Variants in PDE3B observed in about 807,000 individuals in gnomAD.
PDE3B encodes phosphodiesterase 3B.
A neutral mutation model predicts 116.8 loss-of-function variants in PDE3B; 66 were observed. That is an observed-to-expected ratio of 0.56 (90% CI 0.46 to 0.69). The LOEUF is 0.69. Among genes scored for constraint, PDE3B ranks in the 30% least tolerant of loss-of-function variants. PDE3B has a pLI of 0.00. For missense variants in PDE3B, 1,384 were observed against 1,368.1 expected (o/e 1.01, Z -0.18); for synonymous variants, 595 against 533.6 (o/e 1.12, Z -1.59).
intron 1 of PDE3B, among the ~76,000 whole-genome samples, chr11:14,647,553 A>G (rs1853444640): frequency 6.6e-6 from 1 of 152,038 alleles, no homozygotes; most frequent in Non-Finnish European, 1.5e-5. Flanking sequence ...TAAATGTTGA[A>G]TGTTGACCTT....
chr11:14,892,348 C>T, the PDE3B span: 3 of 756,098 alleles, frequency 4.0e-6, no homozygotes, highest in Admixed American at 2.6e-5. Context: ...GCGCTCAGGC[C>T]CCTTCGGGAC....
At chr11:14,762,791 G>A (rs1857396660) in intron 1 of PDE3B, among the ~76,000 whole-genome samples, 1 of 152,208 alleles carries the variant, frequency 6.6e-6, no homozygotes, top group African/African-American at 2.4e-5. Flanking sequence ...TGAAAGTAGA[G>A]ATAACAGGAT....
At chr11:14,701,231 A>G (rs982850519) in intron 1 of PDE3B, among the ~76,000 whole-genome samples, 4 of 151,662 alleles carry the variant, frequency 2.6e-5, no homozygotes, top group African/African-American at 9.7e-5. Flanking sequence ...AAGTTTCACT[A>G]TTTTTCTTGT....
rs1449364785 is a variant in PDE3B, at chr11:14,832,845, C to T, written c.2206+12C>T. 3.6e-6 allele frequency: 4 copies of T among 1,113,106 alleles called. No individual in the cohort carries two copies. The highest frequency in any genetic ancestry group is 4.0e-6 in the Non-Finnish European group (3 of 746,204). 69.0% of individuals were successfully genotyped at this position (1,113,106 alleles called of 1,614,324 possible). On this transcript the variant is annotated intron_variant, in intron 10 of 15. Coordinates refer to ENST00000282096, the MANE Select transcript of PDE3B (RefSeq NM_000922.4). The stretch of plus-strand genomic sequence containing the variant: ...TCGAGACATTCCTTGTAAGTATTAA[C>T]ATATTTTATTATTTAAGTTCAAATA...
rs529186351 is a variant in PDE3B at position 14,644,126 on chromosome 11, G to C, written c.51G>C (p.Pro17=). 6.3e-7 allele frequency: 1 copy of C among 1,583,116 alleles called. No individual in the cohort carries two copies. The highest frequency in any genetic ancestry group is 1.1e-5 in the South Asian group (1 of 88,816). The change falls in exon 1 of 16, where the codon CCG becomes CCC. Residue 17 remains proline (P), a synonymous_variant. Coordinates refer to ENST00000282096, the MANE Select transcript of PDE3B (RefSeq NM_000922.4). ...DAKAMRSLQP[P]DGAGSPPESL... ...AAGCCATGCGGTCCCTGCAGCCGCC[G>C]GATGGGGCCGGCTCGCCCCCCGAGA...
At chr11:14,812,834 T>C (rs1859190602) in intron 5 of PDE3B, among the ~76,000 whole-genome samples, 1 of 152,202 alleles carries the variant, frequency 6.6e-6, no homozygotes, top group Non-Finnish European at 1.5e-5. Flanking sequence ...ATCTCCTCAC[T>C]TACACCCCAA....
chr11:14,844,460 A>G (rs11023353), intron 12 of PDE3B, among the ~76,000 whole-genome samples: 10,357 of 152,206 alleles, frequency 0.068, 454 homozygotes, highest in African/African-American at 0.13. Flanking sequence ...GGTTCATCTC[A>G]CTAGGGAGTG....
chr11:14,652,237 T>A (rs1853591647), intron 1 of PDE3B, among the ~76,000 whole-genome samples: 1 of 152,218 alleles, frequency 6.6e-6, no homozygotes, highest in Non-Finnish European at 1.5e-5. Context: ...TGAAAAAAAC[T>A]GTTAATAACC....
intron 1 of PDE3B, among the ~76,000 whole-genome samples, chr11:14,675,704 CA>C (rs1422598563): frequency 2.0e-5 from 3 of 152,072 alleles, no homozygotes; most frequent in Non-Finnish European, 4.4e-5. Flanking sequence ...TGAATATATT[CA>C]ATGAATATGT....
At chr11:14,656,261 C>T (rs1465678434) in intron 1 of PDE3B, among the ~76,000 whole-genome samples, 1 of 152,116 alleles carries the variant, frequency 6.6e-6, no homozygotes, top group Admixed American at 6.5e-5. Context: ...ATGCATGTTC[C>T]AGTTTTCACA....
intron 1 of PDE3B, among the ~76,000 whole-genome samples, chr11:14,661,413 A>C (rs894098519): frequency 2.6e-5 from 4 of 152,206 alleles, no homozygotes; most frequent in Admixed American, 1.3e-4. Context: ...TTTCCATCTG[A>C]GGTACTGGGT....
intron 1 of PDE3B, among the ~76,000 whole-genome samples, chr11:14,766,851 T>C (rs1187823026): frequency 6.6e-6 from 1 of 151,766 alleles, no homozygotes; most frequent in Non-Finnish European, 1.5e-5. Context: ...AATCATGTTT[T>C]GTAGTATGAA....
intron 1 of PDE3B, among the ~76,000 whole-genome samples, chr11:14,688,113 T>TTCTCTCTCTCTCTCTCTCTCTCTCTCTC (rs35700152): frequency 3.6e-5 from 4 of 109,872 alleles, no homozygotes; most frequent in East Asian, 2.7e-4. Flanking sequence ...CTCTCTCTCT[T>TTCTCTCTCTCTCTCTCTCTCTCTCTCTC]TCTCTCTCTC....
intron 1 of PDE3B, among the ~76,000 whole-genome samples, chr11:14,694,077 G>T (rs1402637060): frequency 6.6e-6 from 1 of 152,120 alleles, no homozygotes; most frequent in African/African-American, 2.4e-5. Flanking sequence ...AATAGCAAGG[G>T]AATAAATAGA....
chr11:14,849,381 A>G (rs906691341), intron 12 of PDE3B, among the ~76,000 whole-genome samples: 3 of 152,100 alleles, frequency 2.0e-5, no homozygotes, highest in Non-Finnish European at 4.4e-5. Context: ...AACCATAAAA[A>G]CCCTAGAAGA....
intron 1 of PDE3B, among the ~76,000 whole-genome samples, chr11:14,647,098 T>C (rs1482352297): frequency 1.3e-5 from 2 of 151,954 alleles, no homozygotes; most frequent in Non-Finnish European, 2.9e-5. Flanking sequence ...ATTTGTGCTT[T>C]TTGTTTGCAT....
rs527719721 is a variant in PDE3B at position 14,707,597 on chromosome 11, G to A, written c.978+62544G>A. 1.2e-4 allele frequency among the ~76,000 whole-genome samples: 19 copies of A among 152,100 alleles called. No individual in the cohort carries two copies. In the South Asian group the frequency reaches 1.5e-3, roughly 12 times the overall value. On this transcript the variant is annotated intron_variant, in intron 1 of 15. Transcript: ENST00000282096. The stretch of plus-strand genomic sequence containing the variant: ...TAAATAATCATTAACTTTGTATGCC[G>A]TGGGGAGAAACCAGGTCTGATTATT...
At chr11:14,676,483 C>T (rs1430144684) in intron 1 of PDE3B, among the ~76,000 whole-genome samples, 1 of 152,104 alleles carries the variant, frequency 6.6e-6, no homozygotes, top group African/African-American at 2.4e-5. Flanking sequence ...AAAATATGTA[C>T]ACCTGTATAG....
At chr11:14,789,267 A>C in intron 4 of PDE3B, 25 bp downstream of exon 4, 5 of 1,571,512 alleles carry the variant, frequency 3.2e-6, no homozygotes, top group Non-Finnish European at 4.3e-6. Context: ...GCCTTTTAAG[A>C]AACTTGAATC....
Sources: allele counts gnomAD v4.1 joint callset (sites outside exome capture counted in the v4.1 genomes callset), GRCh38; gene constraint gnomAD v4.1.1; transcripts MANE v1.5; gene names NCBI Gene and HGNC (gene_info 2026-07-23, HGNC 2026-07-21).